The following LUZP2 variants were observed in gnomAD, a reference collection of about 807,000 sequenced individuals.
LUZP2 encodes leucine zipper protein 2.
Under a neutral mutation model 51.6 loss-of-function variants are expected in LUZP2, and 52 were observed. The ratio of observed to expected loss-of-function variants is 1.01; its 90% CI spans 0.81 to 1.27. The LOEUF (loss-of-function observed/expected upper bound fraction) is 1.27. Ranked by LOEUF, LUZP2 falls within the 50% of genes most tolerant of loss-of-function variation. The pLI is 0.00. For synonymous variants in LUZP2, 154 were observed against 137.3 expected (o/e 1.12, Z -0.85); for missense variants, 436 against 395.4 (o/e 1.10, Z -0.87).
At chr11:24,747,694 T>A (rs952477789) in intron 4 of LUZP2, among the ~76,000 whole-genome samples, 1 of 152,116 alleles carries the variant, frequency 6.6e-6, no homozygotes, top group African/African-American at 2.4e-5. Flanking sequence ...GGGCTAGGCA[T>A]GTCTGAGCTC....
rs1857447150 is a variant in LUZP2, at chr11:25,025,039, A to G, written c.766-24999A>G. Among the ~76,000 whole-genome samples, 3 of 152,106 alleles carry G rather than the reference A, an allele frequency of 2.0e-5. No homozygotes were observed. The South Asian group carries it at 6.2e-4, about 31-fold the overall frequency. ...TTGACAAACCTGAGAAAAACAAGCA[A>G]TGGGGAAAGGATTCCCTATTTAATA... On this transcript the variant is annotated intron_variant, in intron 9 of 11. Transcript: ENST00000336930.
Position 24,541,738 on chromosome 11 carries a change from A to G in LUZP2, c.62+44433A>G, listed in dbSNP as rs556209125. On this transcript the variant is annotated intron_variant, in intron 1 of 11. Transcript: ENST00000336930. ...TTATTCAAATGCTGCCTTATGCCAC[A>G]TAATCTCAGATGTCAAGTGATTACT... Among the ~76,000 whole-genome samples the G allele has an allele frequency of 5.9e-5, 9 of 152,258 alleles. No individual in the cohort carries two copies. In the East Asian group the frequency reaches 1.7e-3, roughly 29 times the overall value.
chr11:24,753,164 C>T (rs1007168348), intron 4 of LUZP2, among the ~76,000 whole-genome samples: 2 of 151,994 alleles, frequency 1.3e-5, no homozygotes, highest in South Asian at 2.1e-4. Flanking sequence ...AGAACATGAA[C>T]ATAAGCAGAT....
rs541523485 is a variant in LUZP2 at position 24,712,321 on chromosome 11, T to C, written c.63-16848T>C. On this transcript the variant is annotated intron_variant, in intron 1 of 11. Coordinates refer to ENST00000336930, the MANE Select transcript of LUZP2 (RefSeq NM_001009909.4). ...TCAGCTACTCACATACTCAGTAGGC[T>C]AAGGCATGAGGACAGCTTGAGCCCA... Among the ~76,000 whole-genome samples the C allele has an allele frequency of 2.0e-5, 3 of 152,074 alleles. No homozygotes were observed. The South Asian group carries it at 6.2e-4, about 32-fold the overall frequency.
chr11:24,894,508 T>C (rs1263293864), intron 5 of LUZP2, among the ~76,000 whole-genome samples: 2 of 151,896 alleles, frequency 1.3e-5, no homozygotes, highest in Non-Finnish European at 2.9e-5. Context: ...GATTAAAGGG[T>C]ACTTGTACAG....
At chr11:24,766,652 C>T (rs1017754021) in intron 5 of LUZP2, among the ~76,000 whole-genome samples, 1 of 152,118 alleles carries the variant, frequency 6.6e-6, no homozygotes, top group Non-Finnish European at 1.5e-5. Flanking sequence ...AGTCAATTCC[C>T]TCAAAGATCT....
chr11:24,788,695 A>T (rs1849319072), intron 5 of LUZP2, among the ~76,000 whole-genome samples: 1 of 152,124 alleles, frequency 6.6e-6, no homozygotes, highest in Non-Finnish European at 1.5e-5. Context: ...TTCCTTGATT[A>T]TGGAGGCTGC....
At chr11:24,566,578 A>ATG (rs1209804097) in intron 1 of LUZP2, among the ~76,000 whole-genome samples, 3 of 139,762 alleles carry the variant, frequency 2.1e-5, no homozygotes, top group African/African-American at 8.3e-5. Flanking sequence ...ATCTATACAC[A>ATG]TATATATGTA....
At chr11:24,867,049 C>A (rs10767261) in intron 5 of LUZP2, among the ~76,000 whole-genome samples, 1 of 151,958 alleles carries the variant, frequency 6.6e-6, no homozygotes, top group Non-Finnish European at 1.5e-5. Flanking sequence ...TTCAAAAAGC[C>A]TTTTGAAGCA....
chr11:25,028,580 C>G (rs1288390381), intron 9 of LUZP2, among the ~76,000 whole-genome samples: 1 of 151,982 alleles, frequency 6.6e-6, no homozygotes, highest in African/African-American at 2.4e-5. Flanking sequence ...TTTCTGGGAG[C>G]TAAAAATTAA....
At chr11:25,047,526 A>C (rs918291529) in intron 9 of LUZP2, among the ~76,000 whole-genome samples, 1 of 151,940 alleles carries the variant, frequency 6.6e-6, no homozygotes, top group Non-Finnish European at 1.5e-5. Context: ...CTTGCTAAAA[A>C]CATACCTTTT....
intron 1 of LUZP2, among the ~76,000 whole-genome samples, chr11:24,609,024 T>C (rs944319250): frequency 6.6e-6 from 1 of 152,090 alleles, no homozygotes; most frequent in Non-Finnish European, 1.5e-5. Context: ...TCTGAAATGG[T>C]AACGTAACAT....
At chr11:24,748,171 G>T (rs897891414) in intron 4 of LUZP2, among the ~76,000 whole-genome samples, 1 of 152,116 alleles carries the variant, frequency 6.6e-6, no homozygotes, top group Non-Finnish European at 1.5e-5. Flanking sequence ...TCTCTGTGAT[G>T]CCAGGCAGGA....
At chr11:24,996,849 A>G (rs1021268410) in intron 9 of LUZP2, among the ~76,000 whole-genome samples, 8 of 151,632 alleles carry the variant, frequency 5.3e-5, no homozygotes, top group Admixed American at 2.0e-4. Flanking sequence ...ATTCCCATCT[A>G]TCAGTAAGAA....
intron 9 of LUZP2, among the ~76,000 whole-genome samples, chr11:24,997,451 CT>C (rs1187862196): frequency 1.3e-5 from 2 of 152,134 alleles, no homozygotes; most frequent in Non-Finnish European, 2.9e-5. Context: ...CCTTCGCCCA[CT>C]TTTTGATGGG....
chr11:24,720,715 T>C (rs1467212089), intron 1 of LUZP2, among the ~76,000 whole-genome samples: 1 of 152,200 alleles, frequency 6.6e-6, no homozygotes. Context: ...TGTTTTGTTT[T>C]GTTTTGAGAC....
chr11:24,838,499 A>T (rs1367058642), intron 5 of LUZP2, among the ~76,000 whole-genome samples: 1 of 151,612 alleles, frequency 6.6e-6, no homozygotes, highest in Non-Finnish European at 1.5e-5. Flanking sequence ...GCATATATCG[A>T]TTATTAATGT....
intron 5 of LUZP2, among the ~76,000 whole-genome samples, chr11:24,852,590 G>T (rs888040789): frequency 1.3e-5 from 2 of 149,030 alleles, no homozygotes; most frequent in African/African-American, 2.5e-5. Context: ...GTTGAGTTGG[G>T]GTGGAGAATT....
At chr11:24,756,379 C>T (rs12803470) in intron 4 of LUZP2, among the ~76,000 whole-genome samples, 15,095 of 152,158 alleles carry the variant, frequency 0.099, 869 homozygotes, top group Non-Finnish European at 0.11. Flanking sequence ...AAATATTTTA[C>T]GAAGTTTGGC....
Sources: allele counts gnomAD v4.1 joint callset (sites outside exome capture counted in the v4.1 genomes callset), GRCh38; gene constraint gnomAD v4.1.1; transcripts MANE v1.5; gene names NCBI Gene and HGNC (gene_info 2026-07-23, HGNC 2026-07-21).